Variants in PDE3A observed in about 807,000 individuals in gnomAD.
PDE3A encodes cGMP-inhibited 3',5'-cyclic phosphodiesterase 3A.
Under a neutral mutation model 98.3 loss-of-function variants are expected in PDE3A, and 43 were observed. The ratio of observed to expected loss-of-function variants is 0.44; its 90% CI spans 0.34 to 0.56. The LOEUF (loss-of-function observed/expected upper bound fraction) is 0.56. PDE3A is among the 20% of genes least tolerant of loss of function. The pLI is 0.01. For missense variants in PDE3A, 1,427 were observed against 1,440.7 expected (o/e 0.99, Z 0.15); for synonymous variants, 663 against 567.9 (o/e 1.17, Z -2.38).
intron 1 of PDE3A, among the ~76,000 whole-genome samples, chr12:20,399,280 T>C (rs1944078267): frequency 6.6e-6 from 1 of 152,188 alleles, no homozygotes. Flanking sequence ...GCTATGAATA[T>C]GTGTGTATGA....
At chr12:20,605,685 A>G (rs1290196727) in intron 2 of PDE3A, among the ~76,000 whole-genome samples, 3 of 152,216 alleles carry the variant, frequency 2.0e-5, no homozygotes, top group Non-Finnish European at 2.9e-5. Flanking sequence ...GGAAGTCATC[A>G]TAAAACTTAA....
intron 2 of PDE3A, among the ~76,000 whole-genome samples, chr12:20,610,381 A>C (rs1592108703): frequency 1.3e-5 from 2 of 152,152 alleles, no homozygotes; most frequent in East Asian, 3.9e-4. Flanking sequence ...GCTATTATTA[A>C]AAAGACAAGA....
intron 15 of PDE3A, among the ~76,000 whole-genome samples, chr12:20,675,264 G>T (rs1003369574): frequency 1.3e-5 from 2 of 151,828 alleles, no homozygotes; most frequent in Non-Finnish European, 2.9e-5. Context: ...TATTCATTGT[G>T]GTCTGAGAAG....
chr12:20,679,229 C>T (rs1157994691), intron 15 of PDE3A, among the ~76,000 whole-genome samples: 2 of 152,088 alleles, frequency 1.3e-5, no homozygotes, highest in Non-Finnish European at 2.9e-5. Flanking sequence ...TAGTTAACTA[C>T]ACTTTGAAAT....
chr12:20,370,383 T>A, intron 1 of PDE3A, 139 bp downstream of exon 1: 1 of 553,686 alleles, frequency 1.8e-6, no homozygotes, highest in African/African-American at 2.0e-5. Flanking sequence ...ATTAAGAAAC[T>A]AGCAGGTTTT....
intron 1 of PDE3A, among the ~76,000 whole-genome samples, chr12:20,401,453 A>C (rs1384026097): frequency 6.9e-6 from 1 of 144,358 alleles, no homozygotes; most frequent in East Asian, 1.9e-4. Context: ...GTCATTTTAA[A>C]CTGCTACTGC....
chr12:20,368,901 A>G lies in PDE3A; in HGVS notation c.-384A>G, dbSNP rs1174595882. ...TCAGCGGCTCCTGCGCGCGGGATGC[A>G]TTGGGCAATTTTTGAAATCCTGAAG... On this transcript the variant is annotated 5_prime_UTR_variant, in exon 1 of 16. Coordinates refer to ENST00000359062, the MANE Select transcript of PDE3A (RefSeq NM_000921.5). 3.3e-5 allele frequency among the ~76,000 whole-genome samples: 5 copies of G among 151,514 alleles called. No individual in the cohort carries two copies. The highest frequency in any genetic ancestry group is 5.9e-5 in the Non-Finnish European group (4 of 67,832).
intron 1 of PDE3A, among the ~76,000 whole-genome samples, chr12:20,379,796 A>C (rs1943631406): frequency 6.6e-6 from 1 of 151,718 alleles, no homozygotes; most frequent in African/African-American, 2.4e-5. Flanking sequence ...CATTTTTGTT[A>C]CTTAAATATT....
At chr12:20,424,798 C>G (rs1323726482) in intron 1 of PDE3A, among the ~76,000 whole-genome samples, 1 of 152,182 alleles carries the variant, frequency 6.6e-6, no homozygotes, top group African/African-American at 2.4e-5. Context: ...ACAATATCAA[C>G]AGTAGAACAA....
At chr12:20,448,302 G>A (rs377236719) in intron 1 of PDE3A, among the ~76,000 whole-genome samples, 28 of 152,188 alleles carry the variant, frequency 1.8e-4, no homozygotes, top group African/African-American at 5.8e-4. Context: ...TTAGCCGGGC[G>A]TAGTGCTGGG....
At chr12:20,508,342 C>T (rs920747811) in intron 1 of PDE3A, among the ~76,000 whole-genome samples, 1 of 151,854 alleles carries the variant, frequency 6.6e-6, no homozygotes, top group African/African-American at 2.4e-5. Flanking sequence ...CACTCATCTT[C>T]TAACACATGC....
chr12:20,506,631 A>G (rs1007143037), intron 1 of PDE3A, among the ~76,000 whole-genome samples: 1 of 152,064 alleles, frequency 6.6e-6, no homozygotes, highest in Non-Finnish European at 1.5e-5. Context: ...TGGCTCATAC[A>G]TATCTTCAGA....
At chr12:20,502,607 G>A (rs975734447) in intron 1 of PDE3A, among the ~76,000 whole-genome samples, 3 of 152,114 alleles carry the variant, frequency 2.0e-5, no homozygotes, top group Non-Finnish European at 4.4e-5. Flanking sequence ...GAATGCATGT[G>A]TATTTGTCTA....
chr12:20,507,610 G>A (rs1946143890), intron 1 of PDE3A, among the ~76,000 whole-genome samples: 2 of 151,888 alleles, frequency 1.3e-5, no homozygotes, highest in African/African-American at 4.8e-5. Context: ...GTGCCAAATG[G>A]AACTTCCAAT....
intron 1 of PDE3A, among the ~76,000 whole-genome samples, chr12:20,453,524 A>G (rs1160571870): frequency 1.3e-5 from 2 of 152,184 alleles, no homozygotes; most frequent in African/African-American, 4.8e-5. Context: ...ACCAGTATAC[A>G]GGTGGCAAAA....
intron 1 of PDE3A, among the ~76,000 whole-genome samples, chr12:20,490,972 G>A (rs1461609846): frequency 2.0e-5 from 3 of 152,114 alleles, no homozygotes; most frequent in African/African-American, 7.2e-5. Flanking sequence ...ATGACGGTAT[G>A]TGCCTGTAGT....
At chr12:20,576,487 C>A (rs922280591) in intron 2 of PDE3A, among the ~76,000 whole-genome samples, 1 of 151,794 alleles carries the variant, frequency 6.6e-6, no homozygotes, top group Non-Finnish European at 1.5e-5. Flanking sequence ...CTATATACAA[C>A]TAATTAAAAA....
chr12:20,639,457 T>G (rs2121513644), intron 9 of PDE3A, among the ~76,000 whole-genome samples: 1 of 152,232 alleles, frequency 6.6e-6, no homozygotes, highest in African/African-American at 2.4e-5. Context: ...TTGGGATTTT[T>G]CCTTTTATTT....
intron 15 of PDE3A, among the ~76,000 whole-genome samples, chr12:20,675,505 T>A (rs541250195): frequency 3.3e-5 from 5 of 152,342 alleles, no homozygotes; most frequent in Non-Finnish European, 5.9e-5. Flanking sequence ...GAGAGTGGGA[T>A]GTTGAATTCC....
Sources: allele counts gnomAD v4.1 joint callset (sites outside exome capture counted in the v4.1 genomes callset), GRCh38; gene constraint gnomAD v4.1.1; transcripts MANE v1.5; gene names NCBI Gene and HGNC (gene_info 2026-07-23, HGNC 2026-07-21).